Variants in DNAH12 observed in about 807,000 individuals in gnomAD.
DNAH12 encodes dynein axonemal heavy chain 12.
Under a neutral mutation model 371.5 loss-of-function variants are expected in DNAH12, and 285 were observed. The observed-to-expected ratio is 0.77, with a 90% CI of 0.70 to 0.85. DNAH12 has a LOEUF of 0.85. Among genes scored for constraint, DNAH12 ranks in the 40% least tolerant of loss-of-function variants. DNAH12 has a pLI of 0.00. For missense variants in DNAH12, 3,611 were observed against 3,689.4 expected, an observed-to-expected ratio of 0.98 and a Z score of 0.55; for synonymous variants, 1,200 against 1,213.0, an observed-to-expected ratio of 0.99 and a Z score of 0.22.
At chr3:57,306,684 A>G (rs1288969658) in intron 69 of DNAH12, among the ~76,000 whole-genome samples, 1 of 152,114 alleles carries the variant, frequency 6.6e-6, no homozygotes, top group Non-Finnish European at 1.5e-5. Context: ...CCCATCCCAC[A>G]GCACACTTTA....
intron 13 of DNAH12, among the ~76,000 whole-genome samples, chr3:57,477,971 G>C (rs2066595606): frequency 6.6e-6 from 1 of 152,086 alleles, no homozygotes; most frequent in Admixed American, 6.5e-5. Flanking sequence ...ACAAAGATGG[G>C]GAAAAAACAG....
chr3:57,359,464 C>T (rs1189145944), intron 58 of DNAH12, among the ~76,000 whole-genome samples: 1 of 146,834 alleles, frequency 6.8e-6, no homozygotes, highest in African/African-American at 2.5e-5. Flanking sequence ...GAGGCTGAGG[C>T]AGGAGAATGG....
At chr3:57,555,314 T>G in the DNAH12 span, among the ~76,000 whole-genome samples, 1 of 152,166 alleles carries the variant, frequency 6.6e-6, no homozygotes, top group South Asian at 2.1e-4. Context: ...ATTCCTTATC[T>G]GAAATTGAAT....
chr3:57,453,840 C>T (rs1174639280), intron 23 of DNAH12, among the ~76,000 whole-genome samples: 1 of 152,054 alleles, frequency 6.6e-6, no homozygotes, highest in Non-Finnish European at 1.5e-5. Flanking sequence ...TCCCAAAGTG[C>T]TAGGATTACA....
In DNAH12 at chr3:57,514,599, G is replaced by A. The variant is rs577963571; in HGVS notation, c.280-3620C>T. On this transcript the variant is annotated intron_variant, in intron 4 of 73. Transcript: ENST00000495027. ...AAGTATGGGGGCATGGGAACAGGGTGGAAGGGATGGGAGATGCTTCTCTGA... is the reference window on the plus strand; with the variant it reads ...AAGTATGGGGGCATGGGAACAGGGTAGAAGGGATGGGAGATGCTTCTCTGA... 6.6e-5 allele frequency among the ~76,000 whole-genome samples: 10 copies of A among 152,006 alleles called. No homozygotes were observed. In the South Asian group the frequency reaches 2.1e-3, roughly 32 times the overall value.
chr3:57,485,660 A>G (rs1445489605), intron 12 of DNAH12, among the ~76,000 whole-genome samples: 2 of 151,738 alleles, frequency 1.3e-5, no homozygotes, highest in African/African-American at 4.8e-5. Flanking sequence ...CAGCCTCCCA[A>G]AGTGCTGGAA....
intron 67 of DNAH12, 78 bp downstream of exon 67, chr3:57,310,639 A>T (rs2061564583): frequency 2.0e-6 from 2 of 987,330 alleles, no homozygotes; most frequent in South Asian, 3.1e-5. Context: ...AAACCTATAC[A>T]TTAGAGAAGA....
At position 57,432,654 on chromosome 3, in the gene DNAH12, A is replaced by T. The variant is rs1426627466; in HGVS notation, c.4980+713T>A. On this transcript the variant is annotated intron_variant, in intron 32 of 73. Coordinates refer to ENST00000495027, the MANE Select transcript of DNAH12 (RefSeq NM_001366028.2). ...ATGAACATCACACATATATTGATTT[A>T]AAAAAAACACTGAAGAATATGATTC... is the stretch of plus-strand genomic sequence containing the variant. Among the ~76,000 whole-genome samples, 3 of 151,872 alleles carry T rather than the reference A, an allele frequency of 2.0e-5. No homozygotes were observed. The East Asian group carries it at 5.8e-4, about 29-fold the overall frequency.
intron 4 of DNAH12, among the ~76,000 whole-genome samples, chr3:57,518,665 C>T (rs993219699): frequency 1.3e-5 from 2 of 152,016 alleles, no homozygotes; most frequent in Admixed American, 1.3e-4. Flanking sequence ...CTCTTGGGAA[C>T]TAAGCATATG....
intron 43 of DNAH12, among the ~76,000 whole-genome samples, chr3:57,401,557 CCA>C (rs2063863513): frequency 1.0e-5 from 1 of 96,640 alleles, no homozygotes; most frequent in Non-Finnish European, 2.1e-5. Flanking sequence ...GAGTGAGACT[CCA>C]TCTCAAAAAA....
chr3:57,327,357 A>G (rs1259074962), intron 62 of DNAH12, among the ~76,000 whole-genome samples: 12 of 151,886 alleles, frequency 7.9e-5, no homozygotes, highest in South Asian at 2.1e-4. Context: ...ATAACAAACT[A>G]TCTCTCAGAC....
chr3:57,394,033 T>C (rs1207691324), intron 44 of DNAH12, 138 bp downstream of exon 44: 1 of 152,246 alleles, frequency 6.6e-6, no homozygotes, highest in Non-Finnish European at 1.5e-5. Flanking sequence ...AACAATGATG[T>C]ATTAAACTAA....
At chr3:57,462,947 C>G (rs950132305) in intron 17 of DNAH12, 72 bp from the exon 18 acceptor site, 27 of 1,028,998 alleles carry the variant, frequency 2.6e-5, no homozygotes, top group African/African-American at 3.2e-5. Context: ...ATAGATGAAG[C>G]CTTGATGATA....
At chr3:57,481,083 G>C (rs2066726543) in intron 13 of DNAH12, among the ~76,000 whole-genome samples, 1 of 152,184 alleles carries the variant, frequency 6.6e-6, no homozygotes, top group Non-Finnish European at 1.5e-5. Flanking sequence ...AATCAGGCAG[G>C]AGAAGGAAAT....
rs148163603 is a variant in DNAH12, at chr3:57,491,061, G to A, written c.1336-1374C>T. Among the ~76,000 whole-genome samples, 389 of 114,504 alleles carry A rather than the reference G, an allele frequency of 3.4e-3. 1 individual carries two copies. Among genetic ancestry groups the A allele is most frequent in the Middle Eastern group, 9.4e-3 (1 of 106 alleles). The allele number at this position is 114,504 out of a possible 152,430, so 75.1% of individuals were successfully genotyped here. Reference sequence around the variant, plus strand: ...CACACCACTGCACTCCAGCCTGGAAGACAGAGCGAGACTCTATCTCAAAAA... The same window carrying A: ...CACACCACTGCACTCCAGCCTGGAAAACAGAGCGAGACTCTATCTCAAAAA... On this transcript the variant is annotated intron_variant, in intron 11 of 73. Coordinates refer to ENST00000495027, the MANE Select transcript of DNAH12 (RefSeq NM_001366028.2).
At chr3:57,294,561 A>G (rs548901535) in intron 73 of DNAH12, among the ~76,000 whole-genome samples, 1 of 152,282 alleles carries the variant, frequency 6.6e-6, no homozygotes, top group South Asian at 2.1e-4. Flanking sequence ...CAGGCATGAG[A>G]AAACTCAAGA....
chr3:57,450,024 G>T (rs1488037744), intron 25 of DNAH12, among the ~76,000 whole-genome samples: 2 of 152,188 alleles, frequency 1.3e-5, no homozygotes, highest in South Asian at 4.1e-4. Flanking sequence ...TAGGCAGGTG[G>T]ATCACTTGAG....
At chr3:57,351,763 T>C (rs1298863970) in intron 60 of DNAH12, among the ~76,000 whole-genome samples, 3 of 152,086 alleles carry the variant, frequency 2.0e-5, no homozygotes, top group African/African-American at 7.2e-5. Flanking sequence ...CTTTTTGGGG[T>C]AGTAAGGAGG....
chr3:57,293,894 A>C lies in DNAH12; in HGVS notation c.11770T>G (p.Ser3924Ala). The C allele has an allele frequency of 6.5e-7, 1 of 1,546,746 alleles. No individual in the cohort carries two copies. The highest frequency in any genetic ancestry group is 2.4e-5 in the East Asian group (1 of 40,830). Reference protein sequence around the residue: ...YKTSERKGTLSTTGHSTNFVI... With the variant: ...YKTSERKGTLATTGHSTNFVI... ...AAGTTAGTAGAATGTCCCGTAGTGG[A>C]AAGAGTTCCTTTACGTTCACTTGTC... Residue 3924 changes from serine to alanine, a missense_variant, in exon 74 of 74, where the codon TCC (serine) becomes GCC (alanine). Coordinates refer to ENST00000495027, the MANE Select transcript of DNAH12 (RefSeq NM_001366028.2).
Sources: gnomAD v4.1 joint callset for allele counts (sites outside exome capture counted in the v4.1 genomes callset) on GRCh38, gnomAD v4.1.1 for gene constraint, MANE v1.5 for transcripts, NCBI Gene and HGNC (gene_info 2026-07-23, HGNC 2026-07-21) for gene names.